Variants in MTREX observed in about 807,000 individuals in gnomAD.
MTREX encodes the protein Mtr4 exosome RNA helicase, also known as exosome RNA helicase MTR4.
A neutral mutation model predicts 135.4 loss-of-function variants in MTREX; 76 were observed. That is an observed-to-expected ratio of 0.56 (90% CI 0.47 to 0.68). The LOEUF is 0.68. Ranked by LOEUF, MTREX falls within the 30% of genes least tolerant of loss-of-function variation. The pLI, the probability that MTREX is intolerant of heterozygous loss-of-function variation, is 0.00. For missense variants in MTREX, 920 were observed against 1,262.1 expected (o/e 0.73, Z 4.11); for synonymous variants, 404 against 401.6 (o/e 1.01, Z -0.07).
intron 26 of MTREX, chr5:55,423,604 A>C (rs969196501): frequency 3.3e-5 from 5 of 152,388 alleles, no homozygotes; most frequent in African/African-American, 1.2e-4. Context: ...ACCTGCCCCA[A>C]CTTGGACTTT....
At chr5:55,339,964 T>C in intron 5 of MTREX, 46 bp from the exon 6 acceptor site, 3 of 1,377,906 alleles carry the variant, frequency 2.2e-6, no homozygotes, top group Non-Finnish European at 2.9e-6. Flanking sequence ...TTTAAAGTCA[T>C]AATTTAAAGG....
At chr5:55,353,115 C>T in intron 13 of MTREX, 53 bp from the exon 14 acceptor site, 4 of 1,250,628 alleles carry the variant, frequency 3.2e-6, no homozygotes, top group Middle Eastern at 2.0e-4. Flanking sequence ...ATTATAAAAC[C>T]AGATTTTCAG....
At position 55,397,455 on chromosome 5, in the gene MTREX, A is replaced by C. The variant is rs763835658; in HGVS notation, c.2221A>C (p.Ser741Arg). Residue 741 changes from serine to arginine, a missense_variant, in exon 20 of 27, where the codon AGT becomes CGT. This residue lies in a region of MTREX where 467 missense variants were observed against 589.7 expected (regional missense o/e 0.79). Transcript: ENST00000230640. ...VLVHLLSAISSVRLYIPKDLR... is the reference protein window; with the variant it reads ...VLVHLLSAISRVRLYIPKDLR... ...GGTGCATCTCCTGTCTGCTATCAGC[A>C]GTGTTAGGCTTTACATTCCTAAAGA... The C allele has an allele frequency of 6.2e-7, 1 of 1,609,838 alleles. No homozygotes were observed. The highest frequency in any genetic ancestry group is 1.1e-5 in the South Asian group (1 of 90,432).
At chr5:55,355,873 TG>T (rs529148955) in intron 14 of MTREX, among the ~76,000 whole-genome samples, 90 of 152,226 alleles carry the variant, frequency 5.9e-4, no homozygotes, top group African/African-American at 2.1e-3. Context: ...TGTGGAGGAA[TG>T]GGGGGTAGTT....
At chr5:55,382,046 A>G (rs1750404369) in intron 18 of MTREX, among the ~76,000 whole-genome samples, 1 of 152,318 alleles carries the variant, frequency 6.6e-6, no homozygotes, top group Admixed American at 6.5e-5. Flanking sequence ...CAGTAAATTT[A>G]AAGTGTGTCT....
At position 55,422,872 on chromosome 5, in the gene MTREX, A is replaced by T. The variant is rs764175363; in HGVS notation, c.2972-6A>T. 5.6e-6 allele frequency: 9 copies of T among 1,608,310 alleles called. No homozygotes were observed. The African/African-American group carries it at 9.4e-5, about 17-fold the overall frequency. ...TTTACCAGTGTTTTGTTCCTTTTCT[A>T]TCCAGGCAGCATAATTCGTTGTATG... On this transcript the variant is annotated splice_region_variant and splice_polypyrimidine_tract_variant and intron_variant, in intron 25 of 26. Coordinates refer to ENST00000230640, the MANE Select transcript of MTREX (RefSeq NM_015360.5).
rs578081590 is a variant in MTREX at position 55,311,256 on chromosome 5, A to G, written c.134+3109A>G. Among the ~76,000 whole-genome samples the G allele has an allele frequency of 3.9e-5, 6 of 152,164 alleles. No homozygotes were observed. In the South Asian group the frequency reaches 1.2e-3, roughly 32 times the overall value. ...AATGCAAGTTGTTTTTTCTCCCTAA[A>G]TATTTCAGTATTTATGTCATCCAAC... is the stretch of plus-strand genomic sequence containing the variant. On this transcript the variant is annotated intron_variant, in intron 1 of 26. Coordinates refer to ENST00000230640, the MANE Select transcript of MTREX (RefSeq NM_015360.5).
intron 1 of MTREX, among the ~76,000 whole-genome samples, chr5:55,308,456 TAAAC>T (rs145897480): frequency 0.015 from 2,332 of 152,102 alleles, 47 homozygotes; most frequent in African/African-American, 0.053. Context: ...TAGTCGTTAA[TAAAC>T]AAAACGAATG....
chr5:55,322,480 T>C lies in MTREX; in HGVS notation c.272+16T>C. On this transcript the variant is annotated intron_variant, in intron 2 of 26. Coordinates refer to ENST00000230640, the MANE Select transcript of MTREX (RefSeq NM_015360.5). ...AAGACTTAAGGTAATATTTCCAAAG[T>C]CCTAAATGTTAGTAACTCATAATTC... 6.4e-7 allele frequency: 1 copy of C among 1,555,392 alleles called. No individual in the cohort carries two copies. The highest frequency in any genetic ancestry group is 1.2e-5 in the South Asian group (1 of 80,206).
At chr5:55,345,248 G>T in intron 10 of MTREX, 52 bp downstream of exon 10, 1 of 1,138,420 alleles carries the variant, frequency 8.8e-7, no homozygotes, top group Non-Finnish European at 1.3e-6. Context: ...TGTATATTCA[G>T]ATTACTCTGA....
rs538640058 is a variant in MTREX at position 55,362,260 on chromosome 5, G to A, written c.1659+3562G>A. ...TTGGCGAATTTTTAAAGGAGCAATA[G>A]AGAAACCTTTTCAACTTTTCCAGTC... On this transcript the variant is annotated intron_variant, in intron 15 of 26. Coordinates refer to ENST00000230640, the MANE Select transcript of MTREX (RefSeq NM_015360.5). Among the ~76,000 whole-genome samples the A allele has an allele frequency of 3.3e-5, 5 of 151,782 alleles. No individual in the cohort carries two copies. In the South Asian group the frequency reaches 8.3e-4, roughly 25 times the overall value.
intron 18 of MTREX, among the ~76,000 whole-genome samples, chr5:55,386,961 G>A (rs1429754601): frequency 1.3e-5 from 2 of 152,004 alleles, no homozygotes; most frequent in Non-Finnish European, 2.9e-5. Flanking sequence ...CTCATTGTTT[G>A]TAAAACTCAT....
rs528498095 is a variant in MTREX, at chr5:55,308,177, A to T, written c.134+30A>T. ...GGAAGAAGTTCCAGTTGTTGCTTTT[A>T]TTTTTTTTCTCGGTGGGGAGGAAGA... On this transcript the variant is annotated intron_variant, in intron 1 of 26. Coordinates refer to ENST00000230640, the MANE Select transcript of MTREX (RefSeq NM_015360.5). 1.5e-5 allele frequency: 23 copies of T among 1,550,510 alleles called. No individual in the cohort carries two copies. In the South Asian group the frequency reaches 2.2e-4, roughly 15 times the overall value.
chr5:55,340,990 C>G (rs1463788254), intron 6 of MTREX, among the ~76,000 whole-genome samples: 1 of 152,076 alleles, frequency 6.6e-6, no homozygotes, highest in African/African-American at 2.4e-5. Context: ...GATTAGTTAC[C>G]TTTACTAAGT....
chr5:55,322,474 C>T lies in MTREX; in HGVS notation c.272+10C>T. 1.3e-6 allele frequency: 2 copies of T among 1,566,098 alleles called. No individual in the cohort carries two copies. Among genetic ancestry groups the T allele is most frequent in the Non-Finnish European group, 1.7e-6 (2 of 1,161,852 alleles). The stretch of plus-strand genomic sequence containing the variant: ...TAACTGAAGACTTAAGGTAATATTT[C>T]CAAAGTCCTAAATGTTAGTAACTCA... On this transcript the variant is annotated intron_variant, in intron 2 of 26. Transcript: ENST00000230640.
At position 55,387,659 on chromosome 5, in the gene MTREX, A is replaced by G. The variant is rs550158726; in HGVS notation, c.2053-315A>G. 6.6e-5 allele frequency among the ~76,000 whole-genome samples: 10 copies of G among 152,230 alleles called. No homozygotes were observed. In the South Asian group the frequency reaches 1.7e-3, roughly 25 times the overall value. ...CAATCTATTATGTTAGAGTGATTTGAAGATGCAAATTAATTTTCTGACACT... is the reference window on the plus strand; with the variant it reads ...CAATCTATTATGTTAGAGTGATTTGGAGATGCAAATTAATTTTCTGACACT... On this transcript the variant is annotated intron_variant, in intron 18 of 26. Coordinates refer to ENST00000230640, the MANE Select transcript of MTREX (RefSeq NM_015360.5).
chr5:55,367,533 A>G (rs1269928500), intron 16 of MTREX, among the ~76,000 whole-genome samples: 2 of 151,706 alleles, frequency 1.3e-5, no homozygotes, highest in Admixed American at 6.6e-5. Context: ...TCCTTTCACC[A>G]TTTCTCATTA....
chr5:55,362,823 G>A (rs1459150227), intron 15 of MTREX, among the ~76,000 whole-genome samples: 2 of 152,134 alleles, frequency 1.3e-5, no homozygotes, highest in Non-Finnish European at 2.9e-5. Context: ...TTATTTGTTA[G>A]CGGTTAGGTA....
chr5:55,385,449 T>C (rs553901753), intron 18 of MTREX, among the ~76,000 whole-genome samples: 48 of 152,156 alleles, frequency 3.2e-4, no homozygotes, highest in Admixed American at 9.8e-4. Flanking sequence ...GAATGAGAAA[T>C]GTTGACATCC....
Sources: allele counts gnomAD v4.1 joint callset (sites outside exome capture counted in the v4.1 genomes callset), GRCh38; gene constraint gnomAD v4.1.1; regional missense constraint gnomAD v4.1.1; transcripts MANE v1.5; gene names NCBI Gene and HGNC (gene_info 2026-07-23, HGNC 2026-07-21).